The following FAM120B variants were observed in gnomAD, a reference collection of about 807,000 sequenced individuals.
The protein encoded by FAM120B is constitutive coactivator of peroxisome proliferator-activated receptor gamma.
In FAM120B, 83 loss-of-function variants were observed where a neutral mutation model predicts 96.3. The observed-to-expected ratio is 0.86, with a 90% CI of 0.72 to 1.03. The LOEUF (loss-of-function observed/expected upper bound fraction) is 1.03. Ranked by LOEUF, FAM120B falls within the 50% of genes least tolerant of loss-of-function variation. The pLI is 0.00. For synonymous variants in FAM120B, 407 were observed against 402.7 expected (o/e 1.01, Z -0.13); for missense variants, 1,027 against 1,121.2 (o/e 0.92, Z 1.20).
chr6:170,348,227 A>T lies in FAM120B; in HGVS notation c.2094A>T (p.Leu698=), dbSNP rs1321021433. 1.9e-6 allele frequency: 3 copies of T among 1,614,096 alleles called. No individual in the cohort carries two copies. In the South Asian group the frequency reaches 3.3e-5, roughly 18 times the overall value. ...AGGTTCGGCGCTTGGACACACTCCT[A>T]GCCTGTTTCAATCTTTCCTCCTCAA... ...EIQVRRLDTL[L]ACFNLSSSRE... is the part of the protein sequence containing the mutation. The change falls in exon 5 of 11, where the codon CTA becomes CTT. Residue 698 remains leucine, a synonymous_variant. Coordinates refer to ENST00000476287, the MANE Select transcript of FAM120B (RefSeq NM_032448.3).
intron 6 of FAM120B, among the ~76,000 whole-genome samples, chr6:170,361,991 A>G (rs1478120108): frequency 6.6e-6 from 1 of 152,024 alleles, no homozygotes; most frequent in Non-Finnish European, 1.5e-5. Context: ...ACAGGGTTTC[A>G]CCATGTTGGC....
At chr6:170,348,398 A>T in intron 5 of FAM120B, 75 bp downstream of exon 5, 1 of 1,354,902 alleles carries the variant, frequency 7.4e-7, no homozygotes, top group East Asian at 2.3e-5. Context: ...GGATATTGCC[A>T]TGGCTGGTGT....
chr6:170,350,167 G>T (rs967282183), intron 5 of FAM120B, among the ~76,000 whole-genome samples: 2 of 152,178 alleles, frequency 1.3e-5, no homozygotes, highest in African/African-American at 2.4e-5. Flanking sequence ...AAATCTGTCT[G>T]TACATATCCC....
intron 6 of FAM120B, among the ~76,000 whole-genome samples, chr6:170,386,500 T>C (rs980441433): frequency 1.3e-5 from 2 of 152,174 alleles, no homozygotes; most frequent in African/African-American, 4.8e-5. Context: ...TCAGGTAAAA[T>C]GAACACATTC....
chr6:170,400,580 G>C (rs1321284268), intron 9 of FAM120B, among the ~76,000 whole-genome samples: 1 of 152,186 alleles, frequency 6.6e-6, no homozygotes, highest in Non-Finnish European at 1.5e-5. Context: ...CTTCTGATCA[G>C]TGTGGCCTGA....
chr6:170,383,496 T>TA (rs1790030997), intron 6 of FAM120B, among the ~76,000 whole-genome samples: 1 of 152,156 alleles, frequency 6.6e-6, no homozygotes, highest in Non-Finnish European at 1.5e-5. Context: ...AGGCCAAAGA[T>TA]AGACATTTTA....
At chr6:170,365,545 G>A (rs1391526776) in intron 6 of FAM120B, among the ~76,000 whole-genome samples, 1 of 152,234 alleles carries the variant, frequency 6.6e-6, no homozygotes, top group Non-Finnish European at 1.5e-5. Flanking sequence ...GCTGAAGCAT[G>A]AACCCATGGA....
Position 170,317,762 on chromosome 6 carries a change from G to T in FAM120B, c.372G>T (p.Glu124Asp), listed in dbSNP as rs1253323045. 1 of 1,614,168 alleles carries T rather than the reference G, an allele frequency of 6.2e-7. No homozygotes were observed. The highest frequency in any genetic ancestry group is 1.3e-5 in the African/African-American group (1 of 75,046). ...RIFHYIKSHKEQPGRNMFFIP... is the reference protein window; with the variant it reads ...RIFHYIKSHKDQPGRNMFFIP... ...TTCATTACATCAAGTCACACAAGGA[G>T]CAGCCAGGCAGAAATATGTTCTTCA... Residue 124 changes from glutamate (E) to aspartate (D), a missense_variant, in exon 2 of 11, where the codon GAG (glutamate) becomes GAT (aspartate). By Grantham distance (45) the Glu-to-Asp change is conservative (BLOSUM62 2). Coordinates refer to ENST00000476287, the MANE Select transcript of FAM120B (RefSeq NM_032448.3).
intron 3 of FAM120B, among the ~76,000 whole-genome samples, chr6:170,323,500 A>C (rs1001567690): frequency 1.3e-5 from 2 of 152,230 alleles, no homozygotes; most frequent in Non-Finnish European, 2.9e-5. Context: ...AGAAGAATGC[A>C]TGATTTCTAT....
At chr6:170,400,158 G>A (rs1158040480) in intron 9 of FAM120B, among the ~76,000 whole-genome samples, 3 of 150,828 alleles carry the variant, frequency 2.0e-5, no homozygotes, top group Admixed American at 6.6e-5. Context: ...GTAGAACTAT[G>A]TCATAACCCT....
chr6:170,369,707 T>C (rs1411429202), intron 6 of FAM120B, among the ~76,000 whole-genome samples: 1 of 151,738 alleles, frequency 6.6e-6, no homozygotes. Context: ...TTTTTTTTTT[T>C]TCCTGCTCCC....
chr6:170,390,162 C>T (rs1159304132), intron 7 of FAM120B, among the ~76,000 whole-genome samples: 1 of 152,168 alleles, frequency 6.6e-6, no homozygotes, highest in East Asian at 1.9e-4. Flanking sequence ...TAAAGCACTC[C>T]AAGCTTTCAT....
chr6:170,351,360 T>G (rs181188397), intron 5 of FAM120B, among the ~76,000 whole-genome samples: 333 of 152,254 alleles, frequency 2.2e-3, no homozygotes, highest in Admixed American at 8.8e-3. Context: ...GGAACCAAGT[T>G]GGAAAACATA....
Position 170,405,805 on chromosome 6 carries a change from C to T in FAM120B, c.*1054C>T, listed in dbSNP as rs16901392. ...TCTGTTTCTGTGGGGTCATCCCTTT[C>T]GTTTCATTTTGCCAGGGCCTGGCTC... is the stretch of plus-strand genomic sequence containing the variant. On this transcript the variant is annotated 3_prime_UTR_variant, in exon 11 of 11. Coordinates refer to ENST00000476287, the MANE Select transcript of FAM120B (RefSeq NM_032448.3). 20,128 of 152,130 alleles carry T rather than the reference C, an allele frequency of 0.13. 1,599 individuals are homozygous for T. Among genetic ancestry groups the T allele is most frequent in the African/African-American group, 0.22 (9,079 of 41,454 alleles). The allele number at this position is 152,130 out of a possible 1,614,324, so 9.4% of individuals were successfully genotyped here.
At chr6:170,290,832 C>A, upstream of FAM120B, 2 of 626,350 alleles carry the variant, frequency 3.2e-6, no homozygotes, top group South Asian at 3.7e-5. The surrounding 1 kb of genome is among the most constrained non-coding windows in gnomAD (Gnocchi z 4.7). Context: ...CCGGAGGGGC[C>A]GGGCCGTGGG....
chr6:170,404,724 C>A, intron 10 of FAM120B, 39 bp from the exon 11 acceptor site: 1 of 754,902 alleles, frequency 1.3e-6, no homozygotes, highest in South Asian at 1.7e-5. Flanking sequence ...GACCTGGTGC[C>A]GAGTTAACTT....
At position 170,318,776 on chromosome 6, in the gene FAM120B, C is replaced by T. The variant is rs1785100293; in HGVS notation, c.1386C>T (p.Pro462=). Residue 462 remains proline (P), a synonymous_variant, in exon 2 of 11, where the codon CCC becomes CCT. Coordinates refer to ENST00000476287, the MANE Select transcript of FAM120B (RefSeq NM_032448.3). ...GCTCTGAACCCAGGCAAGAAGTTCC[C>T]ATGTATACAGGCCCTGAATCCAGGC... ...YTGSEPRQEV[P]MYTGPESRQE... is the part of the protein sequence containing the mutation. The T allele has an allele frequency of 6.2e-7, 1 of 1,612,976 alleles. No homozygotes were observed. The highest frequency in any genetic ancestry group is 1.3e-5 in the African/African-American group (1 of 74,510).
chr6:170,340,602 G>A (rs1041409194), intron 4 of FAM120B, among the ~76,000 whole-genome samples: 11 of 152,178 alleles, frequency 7.2e-5, no homozygotes, highest in South Asian at 4.1e-4. Context: ...GCATTTTTGC[G>A]CTGGTTTTTC....
intron 6 of FAM120B, among the ~76,000 whole-genome samples, chr6:170,372,407 T>C (rs1339017756): frequency 3.1e-5 from 3 of 95,536 alleles, no homozygotes; most frequent in Non-Finnish European, 5.8e-5. Flanking sequence ...ATGATGGTAG[T>C]ATCTACAGGG....
Sources: gnomAD v4.1 joint callset for allele counts (sites outside exome capture counted in the v4.1 genomes callset) on GRCh38, gnomAD v4.1.1 for gene constraint, Gnocchi (gnomAD v3.1) non-coding constraint, MANE v1.5 for transcripts, NCBI Gene and HGNC (gene_info 2026-07-23, HGNC 2026-07-21) for gene names.